The following SCAI variants were observed in gnomAD, a reference collection of about 807,000 sequenced individuals.
SCAI encodes the protein suppressor of cancer cell invasion.
A neutral mutation model predicts 92.2 loss-of-function variants in SCAI; 24 were observed. That is an observed-to-expected ratio of 0.26 (90% CI 0.19 to 0.37). The LOEUF is 0.37. SCAI is among the 10% of genes least tolerant of loss of function. The pLI, the probability that SCAI is intolerant of heterozygous loss-of-function variation, is 1.00. For synonymous variants in SCAI, 261 were observed against 258.6 expected, an observed-to-expected ratio of 1.01 and a Z score of -0.09; for missense variants, 450 against 736.2, an observed-to-expected ratio of 0.61 and a Z score of 4.50.
At chr9:125,108,681 G>T (rs1283496561) in intron 2 of SCAI, among the ~76,000 whole-genome samples, 2 of 144,974 alleles carry the variant, frequency 1.4e-5, no homozygotes, top group Non-Finnish European at 1.5e-5. Context: ...CCCGGCAGCC[G>T]CCCCGTCAGA....
chr9:125,125,635 G>A (rs544681461), intron 2 of SCAI, among the ~76,000 whole-genome samples: 1 of 152,022 alleles, frequency 6.6e-6, no homozygotes, highest in African/African-American at 2.4e-5. Context: ...TTTGAGATCA[G>A]CCTGGCCAAC....
chr9:125,141,992 G>A (rs7030645), intron 2 of SCAI, among the ~76,000 whole-genome samples: 35,679 of 152,054 alleles, frequency 0.23, 4,710 homozygotes, highest in Non-Finnish European at 0.3. Flanking sequence ...GCATGATCAC[G>A]GCTCACTGCA....
At chr9:125,031,165 C>T (rs1250879103) in intron 3 of SCAI, among the ~76,000 whole-genome samples, 2 of 152,074 alleles carry the variant, frequency 1.3e-5, no homozygotes, top group Admixed American at 1.3e-4. Context: ...ACAGTCGTGT[C>T]TCAAAGAATT....
At chr9:124,978,534 G>A (rs1326744723) in intron 14 of SCAI, among the ~76,000 whole-genome samples, 1 of 152,088 alleles carries the variant, frequency 6.6e-6, no homozygotes, top group Non-Finnish European at 1.5e-5. Context: ...CTCATATGTA[G>A]GTAATAGGAG....
At chr9:125,037,829 T>C (rs191833353) in intron 3 of SCAI, among the ~76,000 whole-genome samples, 6 of 152,166 alleles carry the variant, frequency 3.9e-5, no homozygotes, top group African/African-American at 1.4e-4. Context: ...GACAGGAGAA[T>C]TGCTTGAACC....
chr9:125,032,908 C>T (rs1266593033), intron 3 of SCAI, among the ~76,000 whole-genome samples: 1 of 152,092 alleles, frequency 6.6e-6, no homozygotes, highest in East Asian at 1.9e-4. Context: ...TGAGCCACTG[C>T]GCCCAGCCTA....
intron 3 of SCAI, among the ~76,000 whole-genome samples, chr9:125,040,510 CAT>C (rs1833297850): frequency 6.6e-6 from 1 of 152,152 alleles, no homozygotes; most frequent in African/African-American, 2.4e-5. Context: ...TTCTTTAATA[CAT>C]AGAGAATTAT....
intron 12 of SCAI, among the ~76,000 whole-genome samples, chr9:125,000,833 G>A (rs1832343264): frequency 6.6e-6 from 1 of 152,102 alleles, no homozygotes; most frequent in Non-Finnish European, 1.5e-5. Context: ...AAGCACTTTA[G>A]TTCTGGTTCT....
At chr9:125,039,543 A>G (rs1282181391) in intron 3 of SCAI, among the ~76,000 whole-genome samples, 1 of 152,214 alleles carries the variant, frequency 6.6e-6, no homozygotes, top group Non-Finnish European at 1.5e-5. Context: ...TTCAAAACTT[A>G]GAAGCTTAAA....
At chr9:125,136,115 C>CTT (rs200355256) in intron 2 of SCAI, among the ~76,000 whole-genome samples, 24 of 142,130 alleles carry the variant, frequency 1.7e-4, no homozygotes, top group African/African-American at 4.9e-4. Flanking sequence ...ATTAACTTAC[C>CTT]TTTTTTTTTT....
chr9:125,052,318 C>G (rs1248998126), intron 3 of SCAI, among the ~76,000 whole-genome samples: 1 of 152,148 alleles, frequency 6.6e-6, no homozygotes, highest in Non-Finnish European at 1.5e-5. Flanking sequence ...CGCCTGTAAT[C>G]CCAGCACTTT....
intron 2 of SCAI, among the ~76,000 whole-genome samples, chr9:125,074,353 T>C (rs1554788261): frequency 6.7e-6 from 1 of 150,160 alleles, no homozygotes; most frequent in Non-Finnish European, 1.5e-5. Context: ...ACCTCCCAGG[T>C]TCAAGCGATT....
chr9:125,032,087 A>G (rs1000102531), intron 3 of SCAI, among the ~76,000 whole-genome samples: 1 of 151,302 alleles, frequency 6.6e-6, no homozygotes, highest in Non-Finnish European at 1.5e-5. Flanking sequence ...AGTACAGGCT[A>G]TATTTATATT....
intron 9 of SCAI, among the ~76,000 whole-genome samples, chr9:125,010,480 G>C (rs1393918378): frequency 6.6e-6 from 1 of 152,230 alleles, no homozygotes. Context: ...GGCTGGGGGA[G>C]GGGTACCCGC....
chr9:125,062,333 C>T (rs1429230252), intron 2 of SCAI, among the ~76,000 whole-genome samples: 1 of 151,722 alleles, frequency 6.6e-6, no homozygotes, highest in South Asian at 2.1e-4. Flanking sequence ...CCCATGTTGC[C>T]CAGGTTGGTC....
Position 124,960,010 on chromosome 9 carries a change from C to A in SCAI, c.1675-7057G>T, listed in dbSNP as rs111293523. Among the ~76,000 whole-genome samples, 1,496 of 152,166 alleles carry A rather than the reference C, an allele frequency of 9.8e-3. 22 individuals carry two copies. Among genetic ancestry groups the A allele is most frequent in the African/African-American group, 0.034 (1,425 of 41,486 alleles). ...GCAATAAACATATATGTGCATGTGT[C>A]TTTATAGCAGCATGATTTATAATCC... On this transcript the variant is annotated intron_variant, in intron 17 of 17. Coordinates refer to ENST00000336505, the MANE Select transcript of SCAI (RefSeq NM_001144877.3).
intron 2 of SCAI, among the ~76,000 whole-genome samples, chr9:125,060,309 A>G (rs1002964523): frequency 6.6e-6 from 1 of 152,124 alleles, no homozygotes; most frequent in African/African-American, 2.4e-5. Flanking sequence ...GAAACTGATA[A>G]AGACATATGG....
intron 14 of SCAI, among the ~76,000 whole-genome samples, chr9:124,987,209 A>C (rs973772131): frequency 6.6e-6 from 1 of 152,168 alleles, no homozygotes; most frequent in Non-Finnish European, 1.5e-5. Flanking sequence ...TTTTTAGTAG[A>C]GATGGGGTTT....
intron 14 of SCAI, among the ~76,000 whole-genome samples, chr9:124,994,474 C>CA (rs1428655441): frequency 6.6e-6 from 1 of 151,988 alleles, no homozygotes; most frequent in East Asian, 1.9e-4. Flanking sequence ...CACAAATTTT[C>CA]AAAAAATCAA....
Sources: gnomAD v4.1 joint callset for allele counts (sites outside exome capture counted in the v4.1 genomes callset) on GRCh38, gnomAD v4.1.1 for gene constraint, MANE v1.5 for transcripts, NCBI Gene and HGNC (gene_info 2026-07-23, HGNC 2026-07-21) for gene names.